Variants in MMP16 observed in about 807,000 individuals in gnomAD.
MMP16 encodes matrix metalloproteinase-16.
Under a neutral mutation model 67.8 loss-of-function variants are expected in MMP16, and 12 were observed. That is an observed-to-expected ratio of 0.18 (90% confidence interval 0.11 to 0.29). MMP16 has a LOEUF of 0.29. Ranked by LOEUF, MMP16 falls within the 10% of genes least tolerant of loss-of-function variation. The probability of loss-of-function intolerance (pLI) is 1.00; values close to 1 mark genes in which losing one functional copy is unlikely to be tolerated. For missense variants in MMP16, 475 were observed against 765.7 expected, an observed-to-expected ratio of 0.62 and a Z score of 4.48; for synonymous variants, 249 against 255.9, an observed-to-expected ratio of 0.97 and a Z score of 0.26.
intron 8 of MMP16, among the ~76,000 whole-genome samples, chr8:88,052,064 G>A (rs1394913804): frequency 1.3e-5 from 2 of 152,126 alleles, no homozygotes; most frequent in Non-Finnish European, 2.9e-5. Flanking sequence ...ATACTTAGAA[G>A]ATTTCACATG....
At position 88,239,857 on chromosome 8, in the gene MMP16, A is replaced by G. The variant is rs574509989; in HGVS notation, c.133-42551T>C. Among the ~76,000 whole-genome samples, 10 of 152,360 alleles carry G rather than the reference A, an allele frequency of 6.6e-5. No individual in the cohort carries two copies. In the East Asian group the frequency reaches 1.9e-3, roughly 29 times the overall value. On this transcript the variant is annotated intron_variant, in intron 1 of 9. Coordinates refer to ENST00000286614, the MANE Select transcript of MMP16 (RefSeq NM_005941.5). The stretch of plus-strand genomic sequence containing the variant: ...TAATTCCTCCCCTCCCAAATCAAAT[A>G]TAAGAACTAATATGCTCTACTTTTA...
chr8:88,047,795 A>G (rs2118202884), intron 8 of MMP16, among the ~76,000 whole-genome samples: 1 of 152,356 alleles, frequency 6.6e-6, no homozygotes, highest in Admixed American at 6.5e-5. Context: ...GCTTAAACTT[A>G]TGGCTAAGTG....
chr8:88,188,450 A>G lies in MMP16; in HGVS notation c.282-1852T>C, dbSNP rs184096907. On this transcript the variant is annotated intron_variant, in intron 2 of 9. Transcript: ENST00000286614. ...AAAACATTTAAGTAAGCAATCTGTG[A>G]AAAAAACCTGAAATGGATAGTTGGG... 2.8e-3 allele frequency among the ~76,000 whole-genome samples: 421 copies of G among 152,276 alleles called. 5 individuals are homozygous for G. The Middle Eastern group carries it at 0.048, about 17-fold the overall frequency.
intron 4 of MMP16, among the ~76,000 whole-genome samples, chr8:88,159,147 G>A (rs934262144): frequency 6.6e-6 from 1 of 152,100 alleles, no homozygotes; most frequent in Non-Finnish European, 1.5e-5. Context: ...TTGGCAATGT[G>A]GGCTCTCTTT....
chr8:88,260,466 T>C (rs541386470), intron 1 of MMP16, among the ~76,000 whole-genome samples: 1 of 152,266 alleles, frequency 6.6e-6, no homozygotes, highest in Admixed American at 6.5e-5. Flanking sequence ...ACTCTCTGAA[T>C]AGGCTGCCAA....
intron 1 of MMP16, among the ~76,000 whole-genome samples, chr8:88,316,517 A>G (rs965920380): frequency 6.6e-6 from 1 of 152,198 alleles, no homozygotes; most frequent in Non-Finnish European, 1.5e-5. Context: ...GGATGACAGC[A>G]TATCTTTTTA....
chr8:88,142,836 G>C (rs760539942), intron 4 of MMP16, among the ~76,000 whole-genome samples: 12 of 151,982 alleles, frequency 7.9e-5, no homozygotes, highest in African/African-American at 1.2e-4. Context: ...AAAAACAAAG[G>C]CTTGGTCAGT....
At chr8:88,220,084 C>T (rs1042977943) in intron 1 of MMP16, among the ~76,000 whole-genome samples, 4 of 152,082 alleles carry the variant, frequency 2.6e-5, no homozygotes, top group Admixed American at 6.6e-5. Context: ...ACATCACAAG[C>T]ATTATATCAG....
intron 4 of MMP16, among the ~76,000 whole-genome samples, chr8:88,134,345 C>G (rs1808082739): frequency 6.6e-6 from 1 of 151,598 alleles, no homozygotes; most frequent in South Asian, 2.1e-4. Context: ...TTCCTCTTTC[C>G]TTATATATTC....
chr8:88,150,387 A>T (rs111568585), intron 4 of MMP16, among the ~76,000 whole-genome samples: 4 of 103,052 alleles, frequency 3.9e-5, no homozygotes, highest in Admixed American at 2.4e-4. Context: ...CCTCGAGAAG[A>T]GCAACTCCAA....
chr8:88,238,663 TAAAAAAAA>T (rs34127125), intron 1 of MMP16, among the ~76,000 whole-genome samples: 6 of 99,902 alleles, frequency 6.0e-5, no homozygotes, highest in Non-Finnish European at 9.7e-5. Context: ...AAGACTCTGT[TAAAAAAAA>T]AAAAAAAAAA....
intron 4 of MMP16, among the ~76,000 whole-genome samples, chr8:88,156,654 G>C (rs904581769): frequency 6.6e-6 from 1 of 151,956 alleles, no homozygotes; most frequent in East Asian, 1.9e-4. Context: ...ATTAATCTTA[G>C]ATAATTTAAG....
At chr8:88,091,566 C>T (rs1019274919) in intron 6 of MMP16, among the ~76,000 whole-genome samples, 1 of 150,162 alleles carries the variant, frequency 6.7e-6, no homozygotes, top group Non-Finnish European at 1.5e-5. Context: ...CACAAACACA[C>T]ACACTCACAC....
Position 88,048,624 on chromosome 8 carries a change from T to C in MMP16, c.1374-1840A>G, listed in dbSNP as rs138901967. 4.9e-3 allele frequency among the ~76,000 whole-genome samples: 741 copies of C among 152,210 alleles called. 2 individuals are homozygous for C. Among genetic ancestry groups the C allele is most frequent in the Non-Finnish European group, 7.0e-3 (475 of 67,998 alleles). ...TGAATGATAGGTAGAAATATAACCA[T>C]GTTTGTCTGATTTCAAAAGTATCTG... On this transcript the variant is annotated intron_variant, in intron 8 of 9. Transcript: ENST00000286614.
intron 6 of MMP16, among the ~76,000 whole-genome samples, chr8:88,089,310 G>T (rs186991791): frequency 4.5e-4 from 69 of 152,122 alleles, no homozygotes; most frequent in African/African-American, 1.6e-3. Context: ...CAAAAGGAAA[G>T]CACAAAATAA....
chr8:88,158,762 T>A (rs901382522), intron 4 of MMP16, among the ~76,000 whole-genome samples: 8 of 152,144 alleles, frequency 5.3e-5, no homozygotes, highest in Non-Finnish European at 7.4e-5. Flanking sequence ...CTGAATGGTA[T>A]TGCCTAGGTT....
rs74305797 is a variant in MMP16 at position 88,209,733 on chromosome 8, T to C, written c.133-12427A>G. Among the ~76,000 whole-genome samples the C allele has an allele frequency of 4.3e-4, 66 of 152,272 alleles. No homozygotes were observed. The East Asian group carries it at 0.01, about 24-fold the overall frequency. The stretch of plus-strand genomic sequence containing the variant: ...ATTATAATATTTGTCCTTTTGTGTC[T>C]GGCTTATATTTAGAATACTAATATT... On this transcript the variant is annotated intron_variant, in intron 1 of 9. Transcript: ENST00000286614.
At chr8:88,254,897 C>T (rs1810278333) in intron 1 of MMP16, among the ~76,000 whole-genome samples, 1 of 152,116 alleles carries the variant, frequency 6.6e-6, no homozygotes. Context: ...AAATGTGCTA[C>T]ATCACTATAA....
intron 1 of MMP16, among the ~76,000 whole-genome samples, chr8:88,285,623 T>C (rs1810818107): frequency 6.6e-6 from 1 of 152,300 alleles, no homozygotes; most frequent in African/African-American, 2.4e-5. Flanking sequence ...CTTGCCTTAC[T>C]GAAGAGATAA....
Sources: allele counts gnomAD v4.1 joint callset (sites outside exome capture counted in the v4.1 genomes callset), GRCh38; gene constraint gnomAD v4.1.1; transcripts MANE v1.5; gene names NCBI Gene and HGNC (gene_info 2026-07-23, HGNC 2026-07-21).